Variants in CCDC141 observed in about 807,000 individuals in gnomAD.
The protein encoded by CCDC141 is coiled-coil domain-containing protein 141.
A neutral mutation model predicts 181.0 loss-of-function variants in CCDC141; 168 were observed. That is an observed-to-expected ratio of 0.93 (90% CI 0.82 to 1.05). The LOEUF is 1.05. Ranked by LOEUF, CCDC141 falls within the 50% of genes least tolerant of loss-of-function variation. The pLI is 0.00. For synonymous variants in CCDC141, 666 were observed against 642.3 expected (o/e 1.04, Z -0.56); for missense variants, 1,902 against 1,788.5 (o/e 1.06, Z -1.14).
At chr2:178,902,382 A>C (rs1479918744) in intron 8 of CCDC141, among the ~76,000 whole-genome samples, 1 of 152,234 alleles carries the variant, frequency 6.6e-6, no homozygotes, top group Non-Finnish European at 1.5e-5. Flanking sequence ...TAACCAAAAC[A>C]GCATTTTACT....
chr2:178,871,351 T>C lies in CCDC141; in HGVS notation c.2205+76A>G, dbSNP rs1486275835. 6.1e-6 allele frequency: 9 copies of C among 1,475,914 alleles called. No homozygotes were observed. The Admixed American group carries it at 1.9e-4, about 31-fold the overall frequency. The allele number at this position is 1,475,914 out of a possible 1,614,324, so 91.4% of individuals were successfully genotyped here. A position where few individuals can be genotyped will look rare whatever the true frequency, so the allele number is the denominator to read the frequency against. ...ATAGAAATTCACCAGCCTGTTACAA[T>C]TAATCAGGTAAACTGCAACCAAACA... On this transcript the variant is annotated intron_variant, in intron 14 of 23. Transcript: ENST00000443758.
intron 6 of CCDC141, among the ~76,000 whole-genome samples, chr2:178,923,498 G>A (rs1413836633): frequency 1.3e-5 from 2 of 152,162 alleles, no homozygotes; most frequent in Non-Finnish European, 2.9e-5. Context: ...AAGGCTAGAG[G>A]AGCCCAATGG....
At chr2:178,906,872 C>T (rs548409728) in intron 7 of CCDC141, among the ~76,000 whole-genome samples, 2 of 151,862 alleles carry the variant, frequency 1.3e-5, no homozygotes, top group Middle Eastern at 3.4e-3. Flanking sequence ...TACACAAATG[C>T]GCTCATGCCC....
At chr2:179,002,197 T>C (rs1229104636) in intron 2 of CCDC141, 4 of 256,996 alleles carry the variant, frequency 1.6e-5, no homozygotes, top group Non-Finnish European at 3.1e-5. Context: ...AAGGATTATG[T>C]AGTCCACATC....
At chr2:178,955,504 G>T (rs765332243) in intron 5 of CCDC141, among the ~76,000 whole-genome samples, 2 of 151,902 alleles carry the variant, frequency 1.3e-5, no homozygotes, top group Non-Finnish European at 2.9e-5. Flanking sequence ...TATTCAAATA[G>T]CAGAATACTA....
intron 4 of CCDC141, among the ~76,000 whole-genome samples, chr2:178,963,088 G>C (rs1162732665): frequency 1.3e-5 from 2 of 152,220 alleles, no homozygotes; most frequent in South Asian, 4.1e-4. Context: ...ACTGGCACAG[G>C]AAATTTGCAA....
chr2:179,028,428 T>G (rs1457046654), intron 2 of CCDC141, among the ~76,000 whole-genome samples: 2 of 152,224 alleles, frequency 1.3e-5, no homozygotes, highest in African/African-American at 4.8e-5. Flanking sequence ...CCCTTACTAC[T>G]GCAGATTTTT....
chr2:178,948,055 C>T (rs1049737622), intron 5 of CCDC141, among the ~76,000 whole-genome samples: 6 of 151,894 alleles, frequency 4.0e-5, no homozygotes, highest in Admixed American at 6.6e-5. Flanking sequence ...AAAAAATTAG[C>T]GGGGTGTGGT....
chr2:178,990,534 G>GAGGA (rs146600473), intron 2 of CCDC141, among the ~76,000 whole-genome samples: 2,733 of 134,454 alleles, frequency 0.02, 78 homozygotes, highest in African/African-American at 0.063. Flanking sequence ...GAAAGAGAGA[G>GAGGA]AGGAAGGAAG....
intron 2 of CCDC141, among the ~76,000 whole-genome samples, chr2:179,028,476 A>T (rs2042915711): frequency 6.6e-6 from 1 of 152,160 alleles, no homozygotes. Flanking sequence ...GCAACTTTGG[A>T]TCCAGCACCA....
At chr2:178,930,756 C>T (rs1404589987) in intron 6 of CCDC141, among the ~76,000 whole-genome samples, 1 of 152,040 alleles carries the variant, frequency 6.6e-6, no homozygotes, top group Non-Finnish European at 1.5e-5. Flanking sequence ...TATCCACATG[C>T]AAACTAATGA....
At chr2:179,022,203 G>A (rs2042708630) in intron 2 of CCDC141, among the ~76,000 whole-genome samples, 1 of 152,106 alleles carries the variant, frequency 6.6e-6, no homozygotes, top group African/African-American at 2.4e-5. Flanking sequence ...GCAGAGTTCT[G>A]TGGCCTTTCA....
chr2:179,009,339 G>C (rs571826036), intron 2 of CCDC141, among the ~76,000 whole-genome samples: 1 of 152,218 alleles, frequency 6.6e-6, no homozygotes, highest in South Asian at 2.1e-4. Flanking sequence ...GAAAAGCCTT[G>C]TTTTGTCATA....
intron 6 of CCDC141, 111 bp from the exon 7 acceptor site, chr2:178,919,018 G>A: frequency 1.0e-6 from 1 of 988,242 alleles, no homozygotes; most frequent in Non-Finnish European, 1.5e-6. Flanking sequence ...GATGATATTA[G>A]GAAGTAGGGC....
intron 6 of CCDC141, among the ~76,000 whole-genome samples, chr2:178,925,784 T>C (rs528973687): frequency 2.0e-5 from 3 of 152,166 alleles, no homozygotes; most frequent in Middle Eastern, 3.2e-3. Flanking sequence ...TACAATCAGA[T>C]TGTGCCATGG....
At chr2:178,829,228 C>T (rs144720812), downstream of CCDC141, among the ~76,000 whole-genome samples, 1 of 152,154 alleles carries the variant, frequency 6.6e-6, no homozygotes, top group Non-Finnish European at 1.5e-5. Flanking sequence ...CTTGTCTATA[C>T]AATTATTTCT....
chr2:178,950,117 T>G (rs1047535833), intron 5 of CCDC141, among the ~76,000 whole-genome samples: 1 of 152,250 alleles, frequency 6.6e-6, no homozygotes, highest in African/African-American at 2.4e-5. Context: ...TGTGCAGAAC[T>G]TGCTGAATAA....
chr2:179,021,872 A>T (rs1265297280), intron 2 of CCDC141, among the ~76,000 whole-genome samples: 2 of 152,214 alleles, frequency 1.3e-5, no homozygotes, highest in East Asian at 3.8e-4. Flanking sequence ...ACCAGATCAG[A>T]TATTTTCTTC....
At chr2:178,961,155 C>T in intron 5 of CCDC141, 75 bp downstream of exon 5, 1 of 1,461,000 alleles carries the variant, frequency 6.8e-7, no homozygotes, top group Non-Finnish European at 9.2e-7. Context: ...TGACAAACTG[C>T]CCCAGGGAAT....
Sources: allele counts gnomAD v4.1 joint callset (sites outside exome capture counted in the v4.1 genomes callset), GRCh38; gene constraint gnomAD v4.1.1; transcripts MANE v1.5; gene names NCBI Gene and HGNC (gene_info 2026-07-23, HGNC 2026-07-21).